The following ADGRA3 variants were observed in gnomAD, a reference collection of about 807,000 sequenced individuals.
The protein encoded by ADGRA3 is adhesion G protein-coupled receptor A3.
Under a neutral mutation model 119.8 loss-of-function variants are expected in ADGRA3, and 56 were observed. The observed-to-expected ratio is 0.47, with a 90% CI of 0.38 to 0.58. The LOEUF is 0.58. Among genes scored for constraint, ADGRA3 ranks in the 20% least tolerant of loss-of-function variants. The pLI, the probability that ADGRA3 is intolerant of heterozygous loss-of-function variation, is 0.00. For missense variants in ADGRA3, 1,516 were observed against 1,649.0 expected (o/e 0.92, Z 1.40); for synonymous variants, 607 against 623.8 (o/e 0.97, Z 0.40).
rs1402187627 is a variant in ADGRA3, at chr4:22,408,261, A to G, written c.2232+4921T>C. 2.0e-5 allele frequency among the ~76,000 whole-genome samples: 3 copies of G among 152,040 alleles called. No homozygotes were observed. In the East Asian group the frequency reaches 5.8e-4, roughly 29 times the overall value. On this transcript the variant is annotated intron_variant, in intron 14 of 18. Transcript: ENST00000334304. ...ATCTTGGGGTAGAAAAATTTCTTAA[A>G]CAGCATTAACTAAAACAACAACAAC...
At position 22,387,485 on chromosome 4, in the gene ADGRA3, G is replaced by A; in HGVS notation, c.*220C>T. On this transcript the variant is annotated 3_prime_UTR_variant, in exon 19 of 19. Transcript: ENST00000334304. ...TCACATCCCAAAATGTCCTGTTGGT[G>A]CTTTGACAACTAAAACAATGTTTTA... 1 of 454,290 alleles carries A rather than the reference G, an allele frequency of 2.2e-6. No individual in the cohort carries two copies. The highest frequency in any genetic ancestry group is 3.9e-6 in the Non-Finnish European group (1 of 256,868). 28.1% of individuals were successfully genotyped at this position (454,290 alleles called of 1,614,324 possible).
In ADGRA3 at chr4:22,387,766, A is replaced by AG. The variant is rs1240360136; in HGVS notation, c.3904dup (p.Leu1302ProfsTer5). 1.9e-6 allele frequency: 3 copies of AG among 1,614,060 alleles called. No homozygotes were observed. Among genetic ancestry groups the AG allele is most frequent in the Non-Finnish European group, 2.5e-6 (3 of 1,179,990 alleles). ...AACATTGCCAGTGCTATCGGTACCG[A>AG]GCAAGGGTCCCTCCTGCCCATTGCT... On this transcript the variant is annotated frameshift_variant, in exon 19 of 19. Transcript: ENST00000334304. LOFTEE classifies it high-confidence loss of function.
At chr4:22,512,557 G>A (rs1719484739) in intron 1 of ADGRA3, among the ~76,000 whole-genome samples, 1 of 152,120 alleles carries the variant, frequency 6.6e-6, no homozygotes, top group Non-Finnish European at 1.5e-5. Context: ...CCTGGACCTA[G>A]GGTGGACCCT....
At chr4:22,490,805 T>C (rs1222239211) in intron 1 of ADGRA3, among the ~76,000 whole-genome samples, 1 of 152,206 alleles carries the variant, frequency 6.6e-6, no homozygotes, top group East Asian at 1.9e-4. Context: ...CAAAGATCTG[T>C]ATTTGTTTTC....
intron 1 of ADGRA3, among the ~76,000 whole-genome samples, chr4:22,510,398 T>C (rs1345121275): frequency 1.3e-5 from 2 of 152,092 alleles, no homozygotes; most frequent in South Asian, 2.1e-4. Context: ...CCTTGACACA[T>C]AAACTTCTCT....
intron 3 of ADGRA3, among the ~76,000 whole-genome samples, chr4:22,458,628 A>T (rs1304310251): frequency 6.6e-6 from 1 of 152,090 alleles, no homozygotes; most frequent in African/African-American, 2.4e-5. Flanking sequence ...TCACCACCTT[A>T]TCATTTTGAT....
At chr4:22,494,400 C>T (rs1372701213) in intron 1 of ADGRA3, among the ~76,000 whole-genome samples, 23 of 151,836 alleles carry the variant, frequency 1.5e-4, no homozygotes, top group Non-Finnish European at 1.3e-4. Flanking sequence ...ACCAGCAGCC[C>T]TTGGGGCTGC....
At chr4:22,430,960 A>C (rs1412861494) in intron 10 of ADGRA3, among the ~76,000 whole-genome samples, 1 of 152,220 alleles carries the variant, frequency 6.6e-6, no homozygotes, top group Non-Finnish European at 1.5e-5. Context: ...GGCAACCCCC[A>C]AGCCTTGGCA....
chr4:22,452,909 A>G (rs13129189), intron 4 of ADGRA3, among the ~76,000 whole-genome samples: 21,777 of 152,120 alleles, frequency 0.14, 1,615 homozygotes, highest in South Asian at 0.23. Context: ...CCTCTAAAGT[A>G]AAAATACAGC....
Position 22,413,591 on chromosome 4 carries a change from A to G in ADGRA3, c.2023+10T>C, listed in dbSNP as rs1200466605. ...CACTGACTACAGGATAACATATGCC[A>G]CATACAAACCTATTTTGGTGAGAAT... On this transcript the variant is annotated intron_variant, in intron 13 of 18. Coordinates refer to ENST00000334304, the MANE Select transcript of ADGRA3 (RefSeq NM_145290.4). 6.2e-7 allele frequency: 1 copy of G among 1,609,454 alleles called. No homozygotes were observed. Among genetic ancestry groups the G allele is most frequent in the Non-Finnish European group, 8.5e-7 (1 of 1,175,822 alleles).
chr4:22,470,022 C>T (rs1044028793), intron 2 of ADGRA3, among the ~76,000 whole-genome samples: 1 of 152,168 alleles, frequency 6.6e-6, no homozygotes, highest in African/African-American at 2.4e-5. Context: ...CCAAGCCTAG[C>T]ACAGTGTGCG....
At position 22,515,495 on chromosome 4, in the gene ADGRA3, G is replaced by C. The variant is rs565654450; in HGVS notation, c.257+33C>G. On this transcript the variant is annotated intron_variant, in intron 1 of 18. Coordinates refer to ENST00000334304, the MANE Select transcript of ADGRA3 (RefSeq NM_145290.4). ...GCGGAGAGATAAGAAAGAGCCGAGCGGGAGAGGACCCAGCGTCGCGGGAGA... is the reference window on the plus strand; with the variant it reads ...GCGGAGAGATAAGAAAGAGCCGAGCCGGAGAGGACCCAGCGTCGCGGGAGA... 1.8e-5 allele frequency: 29 copies of C among 1,594,128 alleles called. 1 individual carries two copies. The South Asian group carries it at 3.1e-4, about 17-fold the overall frequency.
chr4:22,511,969 T>C (rs1400492010), intron 1 of ADGRA3, among the ~76,000 whole-genome samples: 1 of 147,054 alleles, frequency 6.8e-6, no homozygotes, highest in Non-Finnish European at 1.5e-5. Flanking sequence ...CGATCTTCAC[T>C]CACTGCAACC....
intron 1 of ADGRA3, among the ~76,000 whole-genome samples, chr4:22,510,706 A>G (rs1378753875): frequency 1.3e-5 from 2 of 151,848 alleles, no homozygotes; most frequent in Non-Finnish European, 1.5e-5. Context: ...TCCCCACTCA[A>G]TCCAATCCTT....
At chr4:22,448,727 T>A (rs73800963) in intron 4 of ADGRA3, among the ~76,000 whole-genome samples, 1,919 of 152,294 alleles carry the variant, frequency 0.013, 36 homozygotes, top group African/African-American at 0.042. Context: ...TCCAATGACC[T>A]TCAGCAAGAA....
Position 22,442,811 on chromosome 4 carries a change from A to T in ADGRA3, c.759T>A (p.Val253=). 6.2e-7 allele frequency: 1 copy of T among 1,613,502 alleles called. No individual in the cohort carries two copies. Among genetic ancestry groups the T allele is most frequent in the Non-Finnish European group, 8.5e-7 (1 of 1,179,548 alleles). ...SFYMTPSHRQ[V]VFEGDSLPFQ... ...AAGGAAGGCTGTCTCCTTCAAACAC[A>T]ACTTGGCGATGAGATGGAGTCATGT... Residue 253 remains valine (V), a synonymous_variant, in exon 7 of 19, where the codon GTT becomes GTA. Coordinates refer to ENST00000334304, the MANE Select transcript of ADGRA3 (RefSeq NM_145290.4).
chr4:22,435,188 T>G, intron 10 of ADGRA3, 123 bp downstream of exon 10: 2 of 849,536 alleles, frequency 2.4e-6, no homozygotes, highest in South Asian at 1.9e-5. Flanking sequence ...TTCTGGAAAT[T>G]TAAAAGCATG....
intron 14 of ADGRA3, among the ~76,000 whole-genome samples, chr4:22,403,314 A>C (rs1247835930): frequency 1.3e-5 from 2 of 152,242 alleles, no homozygotes; most frequent in Non-Finnish European, 2.9e-5. Context: ...ACGGTAAGAC[A>C]TGGTTCCTGT....
intron 1 of ADGRA3, among the ~76,000 whole-genome samples, chr4:22,513,868 A>AC (rs1719545939): frequency 6.8e-6 from 1 of 147,932 alleles, no homozygotes; most frequent in African/African-American, 2.5e-5. Context: ...AAAAAAAAAA[A>AC]AAAAAACTGG....
Sources: allele counts gnomAD v4.1 joint callset (sites outside exome capture counted in the v4.1 genomes callset), GRCh38; gene constraint gnomAD v4.1.1; transcripts MANE v1.5; gene names NCBI Gene and HGNC (gene_info 2026-07-23, HGNC 2026-07-21).